The following VPS13B variants were observed in gnomAD, a reference collection of about 807,000 sequenced individuals.
The protein encoded by VPS13B is vacuolar protein sorting 13 homolog B.
In VPS13B, 285 loss-of-function variants were observed where a neutral mutation model predicts 426.4. The observed-to-expected ratio is 0.67, with a 90% CI of 0.61 to 0.74. The LOEUF (loss-of-function observed/expected upper bound fraction) is 0.74, where lower values mean the gene tolerates loss of function less well. Ranked by LOEUF, VPS13B falls within the 30% of genes least tolerant of loss-of-function variation. The pLI is 0.00. For missense variants in VPS13B, 4,537 were observed against 4,782.6 expected (o/e 0.95, Z 1.51); for synonymous variants, 1,676 against 1,676.4 (o/e 1.00, Z 0.01).
intron 40 of VPS13B, among the ~76,000 whole-genome samples, chr8:99,775,814 C>T (rs578196155): frequency 6.6e-6 from 1 of 152,262 alleles, no homozygotes; most frequent in East Asian, 1.9e-4. Flanking sequence ...AGGAGAATCA[C>T]TTGAACCTGG....
chr8:99,847,083 T>A (rs375436156), intron 54 of VPS13B, among the ~76,000 whole-genome samples: 32 of 152,356 alleles, frequency 2.1e-4, no homozygotes, highest in African/African-American at 7.0e-4. Flanking sequence ...TCTTTTGTTT[T>A]AGATTCATGA....
chr8:99,605,413 A>T (rs550735673), intron 33 of VPS13B, among the ~76,000 whole-genome samples: 5 of 152,340 alleles, frequency 3.3e-5, no homozygotes, highest in African/African-American at 1.2e-4. Flanking sequence ...TTTGGTAAAA[A>T]AAAATGAGTC....
At position 99,875,606 on chromosome 8, in the gene VPS13B, G is replaced by C. The variant is rs1012733827; in HGVS notation, c.11934G>C (p.Gln3978His). Residue 3978 changes from glutamine (Q) to histidine (H), a missense_variant, in exon 62 of 62, where the codon CAG (glutamine) becomes CAC (histidine). Gln to His is a conservative substitution (Grantham distance 24). Coordinates refer to ENST00000357162, the MANE Select transcript of VPS13B (RefSeq NM_152564.5). ...YHYLVDPHFA[Q>H]VFLSKFTMVK... ...ACCTGGTTGATCCACATTTTGCTCA[G>C]GTCTTCCTTAGTAAATTTACCATGG... 1.2e-6 allele frequency: 2 copies of C among 1,614,128 alleles called. No homozygotes were observed. The highest frequency in any genetic ancestry group is 3.3e-5 in the Admixed American group (2 of 60,020).
chr8:99,565,723 A>G (rs746642022), intron 31 of VPS13B, among the ~76,000 whole-genome samples: 1 of 152,158 alleles, frequency 6.6e-6, no homozygotes, highest in Non-Finnish European at 1.5e-5. Context: ...AATTGTAGAT[A>G]GGAATATGGA....
At chr8:99,580,984 AACAC>A (rs34074519) in intron 33 of VPS13B, among the ~76,000 whole-genome samples, 4,132 of 126,618 alleles carry the variant, frequency 0.033, 142 homozygotes, top group African/African-American at 0.097. Flanking sequence ...ATCTCTACAA[AACAC>A]ACACACACAC....
chr8:99,027,899 G>A (rs1459782370), intron 2 of VPS13B, among the ~76,000 whole-genome samples: 1 of 152,250 alleles, frequency 6.6e-6, no homozygotes, highest in South Asian at 2.1e-4. Flanking sequence ...GCCTTCCGCA[G>A]TGTTTGTGTC....
rs202226215 is a variant in VPS13B at position 99,778,912 on chromosome 8, G to A, written c.7660G>A (p.Val2554Ile). The A allele has an allele frequency of 1.2e-6, 2 of 1,614,004 alleles. No homozygotes were observed. Among genetic ancestry groups the A allele is most frequent in the African/African-American group, 1.3e-5 (1 of 75,046 alleles). Residue 2554 changes from valine to isoleucine, a missense_variant, in exon 42 of 62, where the codon GTT (valine) becomes ATT (isoleucine). Transcript: ENST00000357162. ...CTTCAGCATCTTCGGGCAGATGGCA[G>A]TTTCCAGCGATGTAGTGGAAAAGCT... ...KPFSIFGQMA[V>I]SSDVVEKLLD...
intron 39 of VPS13B, among the ~76,000 whole-genome samples, chr8:99,759,049 C>G (rs1192928984): frequency 1.3e-5 from 2 of 152,128 alleles, no homozygotes; most frequent in Non-Finnish European, 2.9e-5. Context: ...CCTCATCCCT[C>G]TTTGTTGTTG....
chr8:99,801,909 G>A (rs1048582517), intron 43 of VPS13B, among the ~76,000 whole-genome samples: 1 of 152,100 alleles, frequency 6.6e-6, no homozygotes, highest in Admixed American at 6.5e-5. Context: ...CAGTACTTGG[G>A]GAGGCAAAGG....
chr8:99,707,671 A>C (rs1477895892), intron 36 of VPS13B, among the ~76,000 whole-genome samples: 4 of 152,182 alleles, frequency 2.6e-5, no homozygotes, highest in Non-Finnish European at 4.4e-5. Context: ...TTAGGTTCTT[A>C]GGAATACTAA....
At chr8:99,541,579 A>G (rs1823624195) in intron 30 of VPS13B, among the ~76,000 whole-genome samples, 1 of 152,148 alleles carries the variant, frequency 6.6e-6, no homozygotes, top group African/African-American at 2.4e-5. Flanking sequence ...ACTCCCACTG[A>G]GTGACAACAA....
chr8:99,649,507 C>G (rs1353226634), intron 34 of VPS13B, among the ~76,000 whole-genome samples: 11 of 151,840 alleles, frequency 7.2e-5, no homozygotes, highest in Non-Finnish European at 1.6e-4. Flanking sequence ...CTGTTAAGAA[C>G]TTATATTTCA....
At chr8:99,472,867 TAAG>T (rs1322734323) in intron 24 of VPS13B, among the ~76,000 whole-genome samples, 2 of 151,794 alleles carry the variant, frequency 1.3e-5, no homozygotes, top group Admixed American at 6.6e-5. Flanking sequence ...AAAAGCATAA[TAAG>T]AAAATAATGA....
At chr8:99,077,697 T>C (rs1243413134) in intron 3 of VPS13B, among the ~76,000 whole-genome samples, 1 of 152,184 alleles carries the variant, frequency 6.6e-6, no homozygotes, top group African/African-American at 2.4e-5. Context: ...TTGAGTATAA[T>C]GTACCTTGGA....
At chr8:99,466,825 G>C (rs1401092859) in intron 23 of VPS13B, among the ~76,000 whole-genome samples, 1 of 152,088 alleles carries the variant, frequency 6.6e-6, no homozygotes, top group Admixed American at 6.6e-5. Flanking sequence ...TTCTGAGGCA[G>C]GTGATCCAAC....
chr8:99,736,473 C>A (rs1833836077), intron 39 of VPS13B, among the ~76,000 whole-genome samples: 1 of 152,164 alleles, frequency 6.6e-6, no homozygotes, highest in African/African-American at 2.4e-5. Flanking sequence ...ACTCAGGAGG[C>A]TGAGGCAGGA....
chr8:99,582,142 A>G (rs1370575566), intron 33 of VPS13B, among the ~76,000 whole-genome samples: 1 of 151,942 alleles, frequency 6.6e-6, no homozygotes, highest in Non-Finnish European at 1.5e-5. Flanking sequence ...ACCCTTCAGA[A>G]GGTTCTTTAC....
intron 3 of VPS13B, among the ~76,000 whole-genome samples, chr8:99,092,638 G>C (rs1413983343): frequency 1.3e-5 from 2 of 151,910 alleles, no homozygotes; most frequent in African/African-American, 4.8e-5. Context: ...ACTTTTATTT[G>C]ATACAACTAA....
chr8:99,269,599 T>A (rs894903245), intron 17 of VPS13B, among the ~76,000 whole-genome samples: 4 of 152,238 alleles, frequency 2.6e-5, no homozygotes. Flanking sequence ...CTTAAGCCAC[T>A]GTATTACAAG....
Sources: allele counts gnomAD v4.1 joint callset (sites outside exome capture counted in the v4.1 genomes callset), GRCh38; gene constraint gnomAD v4.1.1; transcripts MANE v1.5; gene names NCBI Gene and HGNC (gene_info 2026-07-23, HGNC 2026-07-21).